The following PLEKHG1 variants were observed in gnomAD, a reference collection of about 807,000 sequenced individuals.
PLEKHG1 encodes pleckstrin homology domain-containing family G member 1.
A neutral mutation model predicts 100.8 loss-of-function variants in PLEKHG1; 44 were observed. The ratio of observed to expected loss-of-function variants is 0.44; its 90% CI spans 0.34 to 0.56. The LOEUF is 0.56. Ranked by LOEUF, PLEKHG1 falls within the 20% of genes least tolerant of loss-of-function variation. The pLI, the probability that PLEKHG1 is intolerant of heterozygous loss-of-function variation, is 0.01. For synonymous variants in PLEKHG1, 640 were observed against 662.5 expected (o/e 0.97, Z 0.52); for missense variants, 1,545 against 1,720.9 (o/e 0.90, Z 1.81).
intron 4 of PLEKHG1, among the ~76,000 whole-genome samples, chr6:150,786,660 TACAGTA>T (rs1785639484): frequency 6.6e-6 from 1 of 152,196 alleles, no homozygotes; most frequent in Admixed American, 6.5e-5. Context: ...CTAGAACTTG[TACAGTA>T]ACTGAATAAT....
chr6:150,750,650 G>A (rs906264876), intron 2 of PLEKHG1, among the ~76,000 whole-genome samples: 3 of 149,548 alleles, frequency 2.0e-5, no homozygotes, highest in African/African-American at 2.5e-5. Context: ...GCGTAGTGGC[G>A]GGCGCCTGTA....
chr6:150,793,017 G>C (rs1786088178), intron 4 of PLEKHG1, among the ~76,000 whole-genome samples: 1 of 152,142 alleles, frequency 6.6e-6, no homozygotes, highest in Non-Finnish European at 1.5e-5. Flanking sequence ...TCATTAAATA[G>C]GCTCATATTA....
chr6:150,776,404 G>C (rs945983480), intron 3 of PLEKHG1, among the ~76,000 whole-genome samples: 5 of 151,740 alleles, frequency 3.3e-5, no homozygotes, highest in Admixed American at 2.6e-4. Context: ...CACATGTGCA[G>C]TTGCACATTA....
At chr6:150,802,215 A>G (rs9397025) in intron 6 of PLEKHG1, among the ~76,000 whole-genome samples, 59,474 of 151,966 alleles carry the variant, frequency 0.39, 13,156 homozygotes, top group East Asian at 0.71. Flanking sequence ...TCTTTGGAGA[A>G]TCTTATGTTC....
chr6:150,809,601 G>A (rs779097532), intron 9 of PLEKHG1, 47 bp from the exon 11 acceptor site: 16 of 1,551,566 alleles, frequency 1.0e-5, no homozygotes, highest in African/African-American at 2.7e-5. Context: ...AGGGTCCTGT[G>A]GGTGGTGGAA....
intron 3 of PLEKHG1, among the ~76,000 whole-genome samples, chr6:150,684,500 T>A (rs1353207931): frequency 1.3e-5 from 2 of 152,192 alleles, no homozygotes; most frequent in African/African-American, 4.8e-5. Context: ...GTCTGGTGGC[T>A]GATGGCAGCA....
intron 15 of PLEKHG1, among the ~76,000 whole-genome samples, chr6:150,832,496 A>G (rs763282929): frequency 1.3e-5 from 2 of 152,172 alleles, no homozygotes; most frequent in African/African-American, 2.4e-5. Flanking sequence ...GAAGTATGAA[A>G]AACGCAATCA....
intron 5 of PLEKHG1, among the ~76,000 whole-genome samples, chr6:150,797,279 C>T (rs1043754062): frequency 6.6e-6 from 1 of 152,130 alleles, no homozygotes; most frequent in Non-Finnish European, 1.5e-5. Context: ...GAAGGCAGCA[C>T]GCTGAGCCCT....
exon 16 of PLEKHG1, chr6:150,840,245 A>G (rs763940176): frequency 3.1e-6 from 5 of 1,614,196 alleles, no homozygotes; most frequent in South Asian, 1.1e-5. Flanking sequence ...TGGGTCGGAA[A>G]GGGATCAGCG....
chr6:150,829,575 G>T (rs990280055), intron 14 of PLEKHG1, among the ~76,000 whole-genome samples: 1 of 152,182 alleles, frequency 6.6e-6, no homozygotes, highest in African/African-American at 2.4e-5. Flanking sequence ...CCAAGATCAT[G>T]CCAAGGGACC....
intron 2 of PLEKHG1, among the ~76,000 whole-genome samples, chr6:150,750,499 T>C (rs1213098615): frequency 6.6e-6 from 1 of 152,028 alleles, no homozygotes; most frequent in Non-Finnish European, 1.5e-5. Flanking sequence ...CAAACAAACT[T>C]TTAAAGGCGG....
At chr6:150,785,033 T>TTAA (rs539547968) in intron 3 of PLEKHG1, among the ~76,000 whole-genome samples, 1 of 136,236 alleles carries the variant, frequency 7.3e-6, no homozygotes, top group Non-Finnish European at 1.6e-5. Flanking sequence ...TCTCTAAAAT[T>TTAA]AAAAAAAAAA....
Position 150,809,380 on chromosome 6 carries a change from G to A in PLEKHG1, c.1096-1G>A. 1 of 1,613,704 alleles carries A rather than the reference G, an allele frequency of 6.2e-7. No individual in the cohort carries two copies. The highest frequency in any genetic ancestry group is 8.5e-7 in the Non-Finnish European group (1 of 1,179,950). On this transcript the variant is annotated splice_acceptor_variant, in intron 8 of 15. Transcript: ENST00000358517. LOFTEE classifies it high-confidence loss of function. ...CACCCTCTCTGCTCTCTCTGCTCTA[G>A]TGTGGCAACCTCATGCTTGTGGAGG...
intron 2 of PLEKHG1, among the ~76,000 whole-genome samples, chr6:150,742,371 C>T (rs887465083): frequency 4.6e-5 from 7 of 152,030 alleles, no homozygotes; most frequent in Admixed American, 4.6e-4. Context: ...TCAAGACCAG[C>T]CTGGCCAACA....
chr6:150,706,150 A>G (rs1263429482), intron 3 of PLEKHG1, among the ~76,000 whole-genome samples: 1 of 152,218 alleles, frequency 6.6e-6, no homozygotes, highest in African/African-American at 2.4e-5. Context: ...GTTGGCATTT[A>G]TAGTAGATCT....
chr6:150,619,313 C>T (rs1434157983), intron 1 of PLEKHG1, among the ~76,000 whole-genome samples: 1 of 152,142 alleles, frequency 6.6e-6, no homozygotes, highest in Admixed American at 6.5e-5. Context: ...TTCCCACCTC[C>T]GCACCTCCCT....
intron 1 of PLEKHG1, among the ~76,000 whole-genome samples, chr6:150,721,602 G>A (rs1385543947): frequency 6.6e-6 from 1 of 152,198 alleles, no homozygotes; most frequent in African/African-American, 2.4e-5. Context: ...AGGTTCATAT[G>A]CAGTCAAAGT....
At chr6:150,800,522 G>T (rs1307481583) in intron 5 of PLEKHG1, among the ~76,000 whole-genome samples, 197 bp from the exon 7 acceptor site, 1 of 152,180 alleles carries the variant, frequency 6.6e-6, no homozygotes, top group Non-Finnish European at 1.5e-5. Context: ...GCCACTGCCA[G>T]TGGGTCCGGT....
intron 1 of PLEKHG1, among the ~76,000 whole-genome samples, chr6:150,608,783 A>C (rs1203163125): frequency 6.6e-6 from 1 of 152,254 alleles, no homozygotes; most frequent in African/African-American, 2.4e-5. Flanking sequence ...ACTCAGTTGA[A>C]ATGCGGGAAT....
Sources: gnomAD v4.1 joint callset for allele counts (sites outside exome capture counted in the v4.1 genomes callset) on GRCh38, gnomAD v4.1.1 for gene constraint, MANE v1.5 for transcripts, NCBI Gene and HGNC (gene_info 2026-07-23, HGNC 2026-07-21) for gene names.